Variants in KCNJ3 observed in about 807,000 individuals in gnomAD.
The protein encoded by KCNJ3 is G protein-activated inward rectifier potassium channel 1.
KCNJ3 carries 4 observed loss-of-function variants against 39.2 expected under a neutral mutation model. That is an observed-to-expected ratio of 0.10 (90% CI 0.05 to 0.23). KCNJ3 has a LOEUF of 0.23. Ranked by LOEUF, KCNJ3 falls within the 10% of genes least tolerant of loss-of-function variation. The pLI, the probability that KCNJ3 is intolerant of heterozygous loss-of-function variation, is 1.00. For missense variants in KCNJ3, 276 were observed against 634.9 expected (o/e 0.43, Z 6.08); for synonymous variants, 230 against 237.4 (o/e 0.97, Z 0.29).
chr2:154,821,813 G>A (rs1687187336), intron 2 of KCNJ3, among the ~76,000 whole-genome samples: 1 of 151,694 alleles, frequency 6.6e-6, no homozygotes, highest in South Asian at 2.1e-4. Context: ...GCTATTTTTT[G>A]TATTTTTAGT....
intron 2 of KCNJ3, among the ~76,000 whole-genome samples, chr2:154,777,851 G>C (rs1686366972): frequency 6.6e-6 from 1 of 152,172 alleles, no homozygotes; most frequent in Non-Finnish European, 1.5e-5. Flanking sequence ...AGGAGAAAAA[G>C]GAGATTGGCT....
chr2:154,782,564 C>A (rs187077153), intron 2 of KCNJ3, among the ~76,000 whole-genome samples: 1 of 152,120 alleles, frequency 6.6e-6, no homozygotes, highest in East Asian at 1.9e-4. Context: ...TCACATCCAA[C>A]ATGCATTTTA....
At chr2:154,833,707 C>A (rs377763979) in intron 2 of KCNJ3, among the ~76,000 whole-genome samples, 2 of 152,278 alleles carry the variant, frequency 1.3e-5, no homozygotes, top group East Asian at 3.9e-4. Flanking sequence ...CCCTCCGTCT[C>A]CCTAAACCCC....
chr2:154,779,496 AT>A (rs1428401752), intron 2 of KCNJ3, among the ~76,000 whole-genome samples: 3 of 145,366 alleles, frequency 2.1e-5, no homozygotes, highest in Non-Finnish European at 3.0e-5. Context: ...TGTTATATAT[AT>A]TTTATATATG....
At chr2:154,847,968 G>T (rs958952724) in intron 2 of KCNJ3, among the ~76,000 whole-genome samples, 1 of 152,066 alleles carries the variant, frequency 6.6e-6, no homozygotes, top group African/African-American at 2.4e-5. Context: ...TTGTCCTATA[G>T]AATCTCTTCA....
chr2:154,843,782 C>G (rs560036064), intron 2 of KCNJ3, among the ~76,000 whole-genome samples: 1 of 152,318 alleles, frequency 6.6e-6, no homozygotes, highest in East Asian at 1.9e-4. Flanking sequence ...TGGTTTTCAG[C>G]TCCATCAGGT....
chr2:154,749,252 C>G (rs946853320), intron 2 of KCNJ3, among the ~76,000 whole-genome samples: 49 of 151,942 alleles, frequency 3.2e-4, no homozygotes, highest in African/African-American at 1.1e-3. Context: ...TAGATGATAC[C>G]AAGAGACCCC....
rs188825782 is a variant in KCNJ3, at chr2:154,749,201, T to C, written c.919+39382T>C. ...AGAAATTTAGCCACTGAACACTAAG[T>C]AATAGATTCATTGACAAGTAAGCGA... is the stretch of plus-strand genomic sequence containing the variant. On this transcript the variant is annotated intron_variant, in intron 2 of 2. Transcript: ENST00000295101. Among the ~76,000 whole-genome samples, 372 of 152,204 alleles carry C rather than the reference T, an allele frequency of 2.4e-3. 2 individuals carry two copies. The highest frequency in any genetic ancestry group is 8.7e-3 in the African/African-American group (363 of 41,558).
chr2:154,744,564 T>A (rs1200741524), intron 2 of KCNJ3, among the ~76,000 whole-genome samples: 1 of 151,846 alleles, frequency 6.6e-6, no homozygotes, highest in Non-Finnish European at 1.5e-5. Flanking sequence ...TACATTTTTT[T>A]AAGGAATTAG....
intron 2 of KCNJ3, among the ~76,000 whole-genome samples, chr2:154,735,719 C>T (rs1372333313): frequency 6.6e-6 from 1 of 152,016 alleles, no homozygotes. Context: ...TGTAGTTGGT[C>T]CTTTATATGT....
intron 2 of KCNJ3, among the ~76,000 whole-genome samples, chr2:154,781,810 T>C (rs1038006197): frequency 3.3e-5 from 5 of 152,184 alleles, no homozygotes; most frequent in Admixed American, 6.5e-5. Context: ...GTGGAGTATA[T>C]CTGTGACTTT....
In KCNJ3 at chr2:154,699,503, C is replaced by A. The variant is rs780335059; in HGVS notation, c.702+26C>A. ...GTAAGTGCTCCCCGCCCCTTCCCCA[C>A]CGGGAGACCTGCGTCCCCCAAACCC... On this transcript the variant is annotated intron_variant, in intron 1 of 2. Transcript: ENST00000295101. The surrounding 1 kb of genome is among the most constrained non-coding windows in gnomAD (Gnocchi z 6.4). 2 of 1,539,174 alleles carry A rather than the reference C, an allele frequency of 1.3e-6. No homozygotes were observed. Among genetic ancestry groups the A allele is most frequent in the East Asian group, 2.4e-5 (1 of 41,910 alleles).
At chr2:154,743,015 T>C (rs1474657410) in intron 2 of KCNJ3, among the ~76,000 whole-genome samples, 1 of 151,856 alleles carries the variant, frequency 6.6e-6, no homozygotes, top group Non-Finnish European at 1.5e-5. Context: ...TACATATAGG[T>C]CTTTGATTCA....
intron 1 of KCNJ3, among the ~76,000 whole-genome samples, chr2:154,708,103 C>A (rs1332585270): frequency 6.6e-6 from 1 of 151,866 alleles, no homozygotes; most frequent in Admixed American, 6.6e-5. Context: ...TGTCAGTAAT[C>A]ATTTTTTTCA....
intron 2 of KCNJ3, among the ~76,000 whole-genome samples, chr2:154,762,926 C>T (rs1686071359): frequency 6.6e-6 from 1 of 152,052 alleles, no homozygotes; most frequent in East Asian, 1.9e-4. Flanking sequence ...GATAAAATGC[C>T]TTGTAAGTGG....
intron 2 of KCNJ3, among the ~76,000 whole-genome samples, chr2:154,799,997 C>T (rs1273895748): frequency 2.0e-5 from 3 of 152,208 alleles, no homozygotes; most frequent in African/African-American, 4.8e-5. Flanking sequence ...ATAGGATGGT[C>T]AGGGCAGAGC....
chr2:154,720,044 C>T, intron 2 of KCNJ3, among the ~76,000 whole-genome samples: 1 of 151,930 alleles, frequency 6.6e-6, no homozygotes. Context: ...CATAACTGCA[C>T]TTATTATTGC....
At chr2:154,831,860 A>G (rs955249023) in intron 2 of KCNJ3, among the ~76,000 whole-genome samples, 1 of 152,196 alleles carries the variant, frequency 6.6e-6, no homozygotes, top group Non-Finnish European at 1.5e-5. Context: ...TAGGTACATT[A>G]TAAATAAAAT....
chr2:154,824,611 T>G (rs191251553), intron 2 of KCNJ3, among the ~76,000 whole-genome samples: 1 of 152,278 alleles, frequency 6.6e-6, no homozygotes, highest in African/African-American at 2.4e-5. Flanking sequence ...TATAAAAAAC[T>G]TAAGATATAC....
Sources: gnomAD v4.1 joint callset for allele counts (sites outside exome capture counted in the v4.1 genomes callset) on GRCh38, gnomAD v4.1.1 for gene constraint, Gnocchi (gnomAD v3.1) non-coding constraint, MANE v1.5 for transcripts, NCBI Gene and HGNC (gene_info 2026-07-23, HGNC 2026-07-21) for gene names.